The following NCKAP5 variants were observed in gnomAD, a reference collection of about 807,000 sequenced individuals.
NCKAP5 encodes the protein nck-associated protein 5.
Under a neutral mutation model 167.0 loss-of-function variants are expected in NCKAP5, and 92 were observed. The ratio of observed to expected loss-of-function variants is 0.55; its 90% CI spans 0.47 to 0.66. The LOEUF (loss-of-function observed/expected upper bound fraction) is 0.66. Among genes scored for constraint, NCKAP5 ranks in the 30% least tolerant of loss-of-function variants. The probability of loss-of-function intolerance (pLI) is 0.00; values close to 1 mark genes in which losing one functional copy is unlikely to be tolerated. For synonymous variants in NCKAP5, 891 were observed against 877.4 expected (o/e 1.02, Z -0.27); for missense variants, 2,378 against 2,315.0 (o/e 1.03, Z -0.56).
At chr2:133,277,350 GC>G (rs2089771020) in intron 4 of NCKAP5, among the ~76,000 whole-genome samples, 1 of 152,116 alleles carries the variant, frequency 6.6e-6, no homozygotes, top group Non-Finnish European at 1.5e-5. Flanking sequence ...GAAGTCAGTT[GC>G]TTTCACAGAC....
chr2:132,710,708 A>G (rs1028829800), intron 19 of NCKAP5, among the ~76,000 whole-genome samples: 1 of 152,224 alleles, frequency 6.6e-6, no homozygotes, highest in African/African-American at 2.4e-5. Flanking sequence ...TTGCTCTTTC[A>G]TCTTCAACAA....
chr2:133,563,564 TAAAAAAAAAAAAA>T (rs57901498), intron 1 of NCKAP5, among the ~76,000 whole-genome samples: 21 of 53,014 alleles, frequency 4.0e-4, no homozygotes, highest in Non-Finnish European at 2.0e-4. Flanking sequence ...AAAGACTCCA[TAAAAAAAAAAAAA>T]AAAAAAAAAA....
chr2:132,786,759 G>C (rs1252346395), intron 13 of NCKAP5, among the ~76,000 whole-genome samples: 36 of 152,156 alleles, frequency 2.4e-4, no homozygotes, highest in Admixed American at 2.4e-3. Flanking sequence ...ACTCATTGTT[G>C]GGTCTGTTGG....
chr2:132,787,917 T>C (rs545083878), intron 13 of NCKAP5, among the ~76,000 whole-genome samples: 2 of 152,190 alleles, frequency 1.3e-5, no homozygotes, highest in Non-Finnish European at 2.9e-5. Flanking sequence ...CAAGAAGACA[T>C]GCTCAACCTC....
chr2:132,825,510 C>A (rs144676322), intron 11 of NCKAP5, among the ~76,000 whole-genome samples: 7 of 152,260 alleles, frequency 4.6e-5, no homozygotes, highest in Non-Finnish European at 7.4e-5. Flanking sequence ...ACATCCTCAG[C>A]AAAATCAATA....
intron 5 of NCKAP5, among the ~76,000 whole-genome samples, chr2:133,145,570 T>C (rs1035457369): frequency 2.0e-5 from 3 of 152,078 alleles, no homozygotes; most frequent in South Asian, 2.1e-4. Context: ...CCTCCCAATA[T>C]ATGAGCTGGC....
chr2:133,076,798 C>T (rs1252016140), intron 6 of NCKAP5, among the ~76,000 whole-genome samples: 1 of 152,128 alleles, frequency 6.6e-6, no homozygotes, highest in Non-Finnish European at 1.5e-5. Context: ...GGTCCACGTA[C>T]AAGGAAGCAG....
At chr2:132,762,505 G>C (rs1452408542) in intron 16 of NCKAP5, among the ~76,000 whole-genome samples, 1 of 152,148 alleles carries the variant, frequency 6.6e-6, no homozygotes, top group African/African-American at 2.4e-5. Flanking sequence ...TTGTACTTTA[G>C]AGCAATAGGC....
At chr2:133,240,427 C>T (rs753991940) in intron 4 of NCKAP5, among the ~76,000 whole-genome samples, 7 of 152,108 alleles carry the variant, frequency 4.6e-5, no homozygotes, top group Non-Finnish European at 1.0e-4. Context: ...ATACAGTGTC[C>T]GTACACTTCA....
chr2:133,548,541 C>G (rs1686965320), intron 2 of NCKAP5, among the ~76,000 whole-genome samples: 1 of 151,670 alleles, frequency 6.6e-6, no homozygotes, highest in African/African-American at 2.4e-5. Context: ...CGGCAGAAAC[C>G]CTACAAGCCA....
At chr2:133,498,999 C>G (rs917013716) in intron 3 of NCKAP5, among the ~76,000 whole-genome samples, 2 of 152,272 alleles carry the variant, frequency 1.3e-5, no homozygotes, top group Non-Finnish European at 2.9e-5. Context: ...GAACTGCTAA[C>G]TGGCAATACT....
rs1008472413 is a variant in NCKAP5 at position 133,058,622 on chromosome 2, A to G, written c.342-64383T>C. ...ATCTCATGATAAAACATAAACAGAT[A>G]AGTTACTTCTTATGGATGAAAAAAG... On this transcript the variant is annotated intron_variant, in intron 6 of 19. Transcript: ENST00000409261. Among the ~76,000 whole-genome samples the G allele has an allele frequency of 6.7e-4, 102 of 152,202 alleles. 1 individual carries two copies. The highest frequency in any genetic ancestry group is 1.3e-4 in the Non-Finnish European group (9 of 68,040).
At chr2:133,630,695 G>T in the NCKAP5 span, among the ~76,000 whole-genome samples, 4 of 152,182 alleles carry the variant, frequency 2.6e-5, no homozygotes, top group Non-Finnish European at 5.9e-5. Context: ...CCTTAAGGAT[G>T]AGAGAACAGG....
intron 8 of NCKAP5, among the ~76,000 whole-genome samples, chr2:132,908,872 G>T (rs1694211476): frequency 6.6e-6 from 1 of 152,138 alleles, no homozygotes; most frequent in South Asian, 2.1e-4. Context: ...AAATATCGTA[G>T]TCTTTATTGT....
intron 3 of NCKAP5, among the ~76,000 whole-genome samples, chr2:133,398,986 C>T (rs554089607): frequency 6.6e-6 from 1 of 152,050 alleles, no homozygotes; most frequent in Admixed American, 6.6e-5. Context: ...TGGTGGAAAG[C>T]AATGGAGATG....
rs375675565 is a variant in NCKAP5, at chr2:132,731,869, G to A, written c.5311C>T (p.Arg1771Cys). The change falls in exon 17 of 20, where the codon CGT becomes TGT. Residue 1771 changes from arginine to cysteine, a missense_variant. Arg to Cys is a radical substitution (Grantham distance 180). Around this residue, in one of 3 missense-constraint regions of NCKAP5, gnomAD observed 1,325 missense variants for 1,274.5 expected, o/e 1.04. Transcript: ENST00000409261. ...VSSMRAQTLEREVPSSTDGQR... is the reference protein window; with the variant it reads ...VSSMRAQTLECEVPSSTDGQR... ...CCGTCTGTGGAGGAAGGCACTTCAC[G>A]TTCAAGGGTTTGGGCTCTCATGGAA... 1.7e-5 allele frequency: 27 copies of A among 1,613,814 alleles called. No individual in the cohort carries two copies. The highest frequency in any genetic ancestry group is 1.6e-4 in the Middle Eastern group (1 of 6,084).
chr2:133,455,074 T>C lies in NCKAP5; in HGVS notation c.69+62384A>G, dbSNP rs16825149. ...TAAAATGCTAGATGAAACACGATTTTCTACCTTTTGTAGCCACAACATGTC... is the reference window on the plus strand; with the variant it reads ...TAAAATGCTAGATGAAACACGATTTCCTACCTTTTGTAGCCACAACATGTC... On this transcript the variant is annotated intron_variant, in intron 3 of 19. Transcript: ENST00000409261. Among the ~76,000 whole-genome samples, 476 of 152,250 alleles carry C rather than the reference T, an allele frequency of 3.1e-3. 3 individuals are homozygous for C. Among genetic ancestry groups the C allele is most frequent in the African/African-American group, 0.011 (455 of 41,570 alleles).
At chr2:133,286,565 A>G (rs1173921752) in intron 4 of NCKAP5, among the ~76,000 whole-genome samples, 1 of 152,220 alleles carries the variant, frequency 6.6e-6, no homozygotes, top group African/African-American at 2.4e-5. Flanking sequence ...AATTAGTACC[A>G]CTAGGGGAAA....
intron 3 of NCKAP5, among the ~76,000 whole-genome samples, chr2:133,353,049 A>C (rs1312773047): frequency 6.6e-6 from 1 of 152,234 alleles, no homozygotes; most frequent in Non-Finnish European, 1.5e-5. Context: ...CAGGACTTGA[A>C]GGAAACTTTG....
Sources: gnomAD v4.1 joint callset for allele counts (sites outside exome capture counted in the v4.1 genomes callset) on GRCh38, gnomAD v4.1.1 for gene constraint, gnomAD v4.1.1 regional missense constraint, MANE v1.5 for transcripts, NCBI Gene and HGNC (gene_info 2026-07-23, HGNC 2026-07-21) for gene names.